Variants in GNAO1 observed in about 807,000 individuals in gnomAD.
GNAO1 encodes the protein guanine nucleotide-binding protein G(o) subunit alpha.
For missense variants in GNAO1, 166 were observed against 478.7 expected (o/e 0.35, Z 6.10); for synonymous variants, 164 against 180.7 (o/e 0.91, Z 0.74).
chr16:56,337,329 A>G (rs2037751872), intron 6 of GNAO1, among the ~76,000 whole-genome samples: 1 of 152,172 alleles, frequency 6.6e-6, no homozygotes, highest in Non-Finnish European at 1.5e-5. Context: ...AGGGCCCAGG[A>G]TGCTGCAGGA....
At chr16:56,296,632 C>A (rs1407036418) in intron 3 of GNAO1, among the ~76,000 whole-genome samples, 1 of 152,212 alleles carries the variant, frequency 6.6e-6, no homozygotes, top group Non-Finnish European at 1.5e-5. Context: ...TGGTCACCCT[C>A]ACCCTAGAAC....
chr16:56,347,807 C>T (rs2037887059), intron 6 of GNAO1: 8 of 974,674 alleles, frequency 8.2e-6, no homozygotes, highest in African/African-American at 3.6e-5. Context: ...CCCTCCACAC[C>T]TGCCCTGTTA....
chr16:56,347,120 A>C (rs1187193239), intron 6 of GNAO1: 1 of 985,276 alleles, frequency 1.0e-6, no homozygotes, highest in Non-Finnish European at 1.2e-6. Flanking sequence ...TTTAATGAGC[A>C]CTCGGACTGT....
chr16:56,211,892 G>A (rs951962862), intron 2 of GNAO1, among the ~76,000 whole-genome samples: 1 of 152,216 alleles, frequency 6.6e-6, no homozygotes, highest in Non-Finnish European at 1.5e-5. Context: ...TCTATTCAGC[G>A]TGACAACTTC....
intron 3 of GNAO1, among the ~76,000 whole-genome samples, chr16:56,285,021 C>T (rs1370593289): frequency 6.6e-6 from 1 of 152,348 alleles, no homozygotes; most frequent in East Asian, 1.9e-4. Flanking sequence ...CCAGCCAGCA[C>T]CTAGCCTTCA....
At chr16:56,344,569 C>T in intron 6 of GNAO1, 1 of 986,274 alleles carries the variant, frequency 1.0e-6, no homozygotes, top group Non-Finnish European at 1.2e-6. Flanking sequence ...CCAGAGAACT[C>T]CCATCCCTGA....
intron 2 of GNAO1, among the ~76,000 whole-genome samples, chr16:56,210,392 G>A (rs560743314): frequency 1.3e-5 from 2 of 152,320 alleles, no homozygotes; most frequent in South Asian, 4.1e-4. Flanking sequence ...GCAGGTTTTT[G>A]TGTGGACATA....
In GNAO1 at chr16:56,351,338, C is replaced by T. The variant is rs1245601482; in HGVS notation, c.724-46C>T. 2.1e-6 allele frequency: 3 copies of T among 1,443,006 alleles called. No homozygotes were observed. The highest frequency in any genetic ancestry group is 2.9e-6 in the Non-Finnish European group (3 of 1,030,474). The allele number at this position is 1,443,006 out of a possible 1,614,324, so 89.4% of individuals were successfully genotyped here. On this transcript the variant is annotated intron_variant, in intron 6 of 8. Transcript: ENST00000262493. The surrounding 1 kb of genome is among the most constrained non-coding windows in gnomAD (Gnocchi z 6.1). ...TCCTTCTCTTTCCCTGTCTCTGTGTCTCCCTCCCGCTGTCTGTCCTCTCTC... is the reference window on the plus strand; with the variant it reads ...TCCTTCTCTTTCCCTGTCTCTGTGTTTCCCTCCCGCTGTCTGTCCTCTCTC...
chr16:56,218,870 A>G (rs1398429869), intron 2 of GNAO1, among the ~76,000 whole-genome samples: 2 of 152,160 alleles, frequency 1.3e-5, no homozygotes, highest in Non-Finnish European at 2.9e-5. Flanking sequence ...CTTTGAACCC[A>G]TAGACCGCTG....
Position 56,354,782 on chromosome 16 carries a change from C to A in GNAO1, c.878-84C>A. On this transcript the variant is annotated intron_variant, in intron 7 of 8. Coordinates refer to ENST00000262493, the MANE Select transcript of GNAO1 (RefSeq NM_020988.3). The surrounding 1 kb of genome is among the most constrained non-coding windows in gnomAD (Gnocchi z 4.3). ...CCCACTTCCTGGGACACGCCACAACCCACTTCTTGTCTTCATGTCCCCAGC... is the reference window on the plus strand; with the variant it reads ...CCCACTTCCTGGGACACGCCACAACACACTTCTTGTCTTCATGTCCCCAGC... 1.2e-6 allele frequency: 1 copy of A among 802,314 alleles called. No homozygotes were observed. The highest frequency in any genetic ancestry group is 2.1e-6 in the Non-Finnish European group (1 of 476,020). The allele number at this position is 802,314 out of a possible 1,614,324, so 49.7% of individuals were successfully genotyped here.
chr16:56,194,575 G>A (rs917188341), intron 2 of GNAO1: 6 of 246,030 alleles, frequency 2.4e-5, no homozygotes, highest in Non-Finnish European at 5.0e-5. Context: ...GCGGGGCTCG[G>A]AGGGAGTCGG....
In GNAO1 at chr16:56,328,441, C is replaced by T. The variant is rs992938707; in HGVS notation, c.304-190C>T. 5.9e-5 allele frequency among the ~76,000 whole-genome samples: 9 copies of T among 152,194 alleles called. No individual in the cohort carries two copies. In the East Asian group the frequency reaches 9.7e-4, roughly 16 times the overall value. ...GACATCCATGTGGTAGAAGGCCCCACGGGCCCCAGGAACCCCAACTGTGCA... is the reference window on the plus strand; with the variant it reads ...GACATCCATGTGGTAGAAGGCCCCATGGGCCCCAGGAACCCCAACTGTGCA... On this transcript the variant is annotated intron_variant, in intron 3 of 8. Coordinates refer to ENST00000262493, the MANE Select transcript of GNAO1 (RefSeq NM_020988.3).
At position 56,356,791 on chromosome 16, in the gene GNAO1, T is replaced by C. The variant is rs2143708771; in HGVS notation, c.*717T>C. 1 of 151,528 alleles carries C rather than the reference T, an allele frequency of 6.6e-6. No homozygotes were observed. The highest frequency in any genetic ancestry group is 6.6e-5 in the Admixed American group (1 of 15,232). 9.4% of individuals were successfully genotyped at this position (151,528 alleles called of 1,614,324 possible). On this transcript the variant is annotated 3_prime_UTR_variant, in exon 9 of 9. Transcript: ENST00000262493. ...TTGGTTCCTTTTTTTTTTTTTTCAG[T>C]TTTTGTTTTTACTTTTGTCCCGCCG... is the stretch of plus-strand genomic sequence containing the variant.
At chr16:56,275,689 C>T (rs191740628) in intron 2 of GNAO1, among the ~76,000 whole-genome samples, 18 of 152,268 alleles carry the variant, frequency 1.2e-4, no homozygotes, top group Middle Eastern at 3.4e-3. Context: ...ACCTCATTGA[C>T]GGATTTTTCT....
Position 56,265,996 on chromosome 16 carries a change from G to A in GNAO1, c.162-9935G>A, listed in dbSNP as rs117138448. ...TCTTGCTGCTCCCTCTGCCTGTTGC[G>A]TTCTTCCTCACCAATATGCAAGGCC... On this transcript the variant is annotated intron_variant, in intron 2 of 8. Coordinates refer to ENST00000262493, the MANE Select transcript of GNAO1 (RefSeq NM_020988.3). Among the ~76,000 whole-genome samples, 1,516 of 152,176 alleles carry A rather than the reference G, an allele frequency of 1.0e-2. 52 individuals are homozygous for A. Among genetic ancestry groups the A allele is most frequent in the South Asian group, 0.069 (334 of 4,812 alleles).
chr16:56,284,358 G>A (rs1408484046), intron 3 of GNAO1, among the ~76,000 whole-genome samples: 1 of 152,140 alleles, frequency 6.6e-6, no homozygotes, highest in Non-Finnish European at 1.5e-5. Context: ...GCAAGCTCCT[G>A]GTTTGAGGGA....
intron 6 of GNAO1, among the ~76,000 whole-genome samples, chr16:56,350,379 C>T (rs1054396876): frequency 6.6e-6 from 1 of 152,184 alleles, no homozygotes; most frequent in Non-Finnish European, 1.5e-5. Flanking sequence ...CTGTCCCTTC[C>T]TCCCACTCCC....
chr16:56,257,181 G>A (rs2045922), intron 2 of GNAO1, among the ~76,000 whole-genome samples: 1 of 152,070 alleles, frequency 6.6e-6, no homozygotes, highest in East Asian at 1.9e-4. Flanking sequence ...GGTTTGGGGG[G>A]GGGAAATTAG....
At chr16:56,274,543 A>G (rs564544795) in intron 2 of GNAO1, among the ~76,000 whole-genome samples, 1 of 152,042 alleles carries the variant, frequency 6.6e-6, no homozygotes, top group East Asian at 1.9e-4. Context: ...CTGGATAAAT[A>G]AAATGTGGTA....
Sources: gnomAD v4.1 joint callset for allele counts (sites outside exome capture counted in the v4.1 genomes callset) on GRCh38, gnomAD v4.1.1 for gene constraint, Gnocchi (gnomAD v3.1) non-coding constraint, MANE v1.5 for transcripts, NCBI Gene and HGNC (gene_info 2026-07-23, HGNC 2026-07-21) for gene names.